IARS1: variants seen among roughly 807,000 people sequenced by gnomAD.
IARS1 encodes the protein isoleucine--tRNA ligase, cytoplasmic.
In IARS1, 124 loss-of-function variants were observed where a neutral mutation model predicts 168.2. That is an observed-to-expected ratio of 0.74 (90% confidence interval 0.64 to 0.86). IARS1 has a LOEUF of 0.86. Ranked by LOEUF, IARS1 falls within the 40% of genes least tolerant of loss-of-function variation. The probability of loss-of-function intolerance (pLI) is 0.00; values close to 1 mark genes in which losing one functional copy is unlikely to be tolerated. For synonymous variants in IARS1, 532 were observed against 529.4 expected (o/e 1.00, Z -0.07); for missense variants, 1,452 against 1,515.8 (o/e 0.96, Z 0.70).
chr9:92,284,861 T>C (rs1328995201), intron 6 of IARS1, among the ~76,000 whole-genome samples: 1 of 152,224 alleles, frequency 6.6e-6, no homozygotes, highest in Non-Finnish European at 1.5e-5. Flanking sequence ...TATCATTCTC[T>C]ACATTGTTAA....
At chr9:92,216,969 C>A (rs2133348812) in intron 33 of IARS1, among the ~76,000 whole-genome samples, 1 of 151,426 alleles carries the variant, frequency 6.6e-6, no homozygotes, top group East Asian at 1.9e-4. Flanking sequence ...ACAGAATATA[C>A]ATTTTTTTCA....
At chr9:92,220,397 C>T (rs1243739228) in intron 33 of IARS1, among the ~76,000 whole-genome samples, 1 of 150,392 alleles carries the variant, frequency 6.6e-6, no homozygotes, top group Non-Finnish European at 1.5e-5. Flanking sequence ...TGCACATGTA[C>T]CCTAAAACTT....
At chr9:92,256,409 G>A (rs921539624) in intron 20 of IARS1, 4 of 182,854 alleles carry the variant, frequency 2.2e-5, no homozygotes, top group East Asian at 2.6e-4. Flanking sequence ...GGCTGGTCTC[G>A]AACTCCTGAC....
chr9:92,258,766 G>A, intron 19 of IARS1, 88 bp downstream of exon 19: 1 of 1,356,358 alleles, frequency 7.4e-7, no homozygotes, highest in South Asian at 1.5e-5. Context: ...CAGCCCTAAA[G>A]TCTCACACAG....
intron 27 of IARS1, among the ~76,000 whole-genome samples, chr9:92,244,335 C>G (rs7848467): frequency 6.6e-6 from 1 of 152,112 alleles, no homozygotes; most frequent in Non-Finnish European, 1.5e-5. Context: ...CTGAGGAGGT[C>G]GACCTTCCTT....
At chr9:92,285,382 T>C (rs1835281356) in intron 6 of IARS1, among the ~76,000 whole-genome samples, 1 of 152,146 alleles carries the variant, frequency 6.6e-6, no homozygotes, top group Non-Finnish European at 1.5e-5. Flanking sequence ...AGATAAGGCA[T>C]AAAATTACTC....
Position 92,258,935 on chromosome 9 carries a change from C to A in IARS1, c.1935G>T (p.Val645=), listed in dbSNP as rs1447836779. 6.2e-7 allele frequency: 1 copy of A among 1,614,038 alleles called. No homozygotes were observed. Among genetic ancestry groups the A allele is most frequent in the East Asian group, 2.2e-5 (1 of 44,878 alleles). Residue 645 remains valine (V), a synonymous_variant, in exon 19 of 34, where the codon GTG becomes GTT. Transcript: ENST00000443024. ...AENLRFKEEG[V]RDVLKDVLLP... ...GCAGTACATCCTTAAGGACGTCCCG[C>A]ACACCCTCTTCTTTAAAGCGGAGGT...
At position 92,280,787 on chromosome 9, in the gene IARS1, G is replaced by A; in HGVS notation, c.704C>T (p.Ala235Val). The A allele has an allele frequency of 1.2e-6, 2 of 1,612,176 alleles. No homozygotes were observed. The highest frequency in any genetic ancestry group is 1.7e-6 in the Non-Finnish European group (2 of 1,178,706). Residue 235 changes from alanine to valine, a missense_variant, in exon 7 of 34, where the codon GCT becomes GTT. Physicochemically the swap from Ala to Val is moderately conservative, Grantham distance 64. Coordinates refer to ENST00000443024, the MANE Select transcript of IARS1 (RefSeq NM_002161.6). ...TTGCATTTCTGGATTAACACACACA[G>A]CAAGGTTACTAGGTAGAGTCCAGGG... ...TTPWTLPSNL[A>V]VCVNPEMQYV...
At chr9:92,210,962 A>C (rs1171640949) in intron 33 of IARS1, 73 bp from the exon 34 acceptor site, 2 of 964,446 alleles carry the variant, frequency 2.1e-6, no homozygotes, top group Admixed American at 1.7e-5. Context: ...AAAAAATGTT[A>C]ACTGCTTGTG....
chr9:92,284,248 C>T (rs1019177672), intron 6 of IARS1, among the ~76,000 whole-genome samples: 8 of 152,124 alleles, frequency 5.3e-5, no homozygotes. Context: ...GCTAACATGG[C>T]AATGTTTAAA....
At chr9:92,230,773 G>A (rs1435211509) in intron 30 of IARS1, among the ~76,000 whole-genome samples, 1 of 152,186 alleles carries the variant, frequency 6.6e-6, no homozygotes, top group Admixed American at 6.5e-5. Context: ...GTCACTACTT[G>A]CAATTTTAGT....
chr9:92,250,081 GA>G (rs1475613622), intron 24 of IARS1, 105 bp downstream of exon 24: 16 of 885,322 alleles, frequency 1.8e-5, no homozygotes, highest in African/African-American at 6.6e-5. Flanking sequence ...CCTCACTGCA[GA>G]AAAGGAAAAA....
intron 31 of IARS1, among the ~76,000 whole-genome samples, chr9:92,227,853 T>C (rs1003058308): frequency 9.1e-5 from 13 of 142,514 alleles, no homozygotes; most frequent in Non-Finnish European, 1.8e-4. Context: ...CTTTCCAGAC[T>C]GGGCAGCCAG....
intron 14 of IARS1, among the ~76,000 whole-genome samples, chr9:92,266,706 T>C (rs761065618): frequency 6.6e-5 from 10 of 152,154 alleles, no homozygotes; most frequent in Non-Finnish European, 8.8e-5. Flanking sequence ...GAGAGCTGAC[T>C]GTTGAAAAGA....
Position 92,277,413 on chromosome 9 carries a change from AAAC to A in IARS1, c.894+447_894+449del, listed in dbSNP as rs575682498. The stretch of plus-strand genomic sequence containing the variant: ...GCACGATATTTGCACTCCATCTCAA[AAAC>A]AACAACAACAAAAAATCCCAGCCAG... On this transcript the variant is annotated intron_variant, in intron 9 of 33. Coordinates refer to ENST00000443024, the MANE Select transcript of IARS1 (RefSeq NM_002161.6). Among the ~76,000 whole-genome samples, 333 of 152,184 alleles carry A rather than the reference AAAC, an allele frequency of 2.2e-3. 2 individuals carry two copies. Among genetic ancestry groups the A allele is most frequent in the Non-Finnish European group, 2.7e-3 (184 of 67,996 alleles).
intron 10 of IARS1, among the ~76,000 whole-genome samples, chr9:92,272,361 C>T (rs1439303051): frequency 6.6e-6 from 1 of 152,186 alleles, no homozygotes; most frequent in East Asian, 1.9e-4. Flanking sequence ...CAGGAAAAGC[C>T]CCTAAGTGCA....
In IARS1 at chr9:92,243,310, G is replaced by T. The variant is rs1431658434; in HGVS notation, c.2906C>A (p.Ala969Asp). 3 of 1,608,864 alleles carry T rather than the reference G, an allele frequency of 1.9e-6. No individual in the cohort carries two copies. Among genetic ancestry groups the T allele is most frequent in the African/African-American group, 2.7e-5 (2 of 74,822 alleles). Residue 969 changes from alanine to aspartate, a missense_variant and splice_region_variant, in exon 28 of 34, where the codon GCT becomes GAT. By Grantham distance (126) the Ala-to-Asp change is moderately radical. Coordinates refer to ENST00000443024, the MANE Select transcript of IARS1 (RefSeq NM_002161.6). ...AGGAGTGACATCTAAGAGGACCAAAGCCTGTGGGAATGAACAGTGCACACC... is the reference window on the plus strand; with the variant it reads ...AGGAGTGACATCTAAGAGGACCAAATCCTGTGGGAATGAACAGTGCACACC... ...AQFEAHSDAQ[A>D]LVLLDVTPDQ...
At chr9:92,241,974 C>T (rs1364742886) in intron 29 of IARS1, among the ~76,000 whole-genome samples, 180 bp downstream of exon 29, 2 of 152,208 alleles carry the variant, frequency 1.3e-5, no homozygotes, top group Admixed American at 1.3e-4. Context: ...ATCTTCCCTC[C>T]CTGCTCCATC....
At chr9:92,285,521 G>GA (rs1004649625) in intron 6 of IARS1, among the ~76,000 whole-genome samples, 16 of 151,876 alleles carry the variant, frequency 1.1e-4, no homozygotes, top group African/African-American at 3.6e-4. Context: ...ATCCAATGTG[G>GA]AAAAAAAATC....
Sources: gnomAD v4.1 joint callset for allele counts (sites outside exome capture counted in the v4.1 genomes callset) on GRCh38, gnomAD v4.1.1 for gene constraint, MANE v1.5 for transcripts, NCBI Gene and HGNC (gene_info 2026-07-23, HGNC 2026-07-21) for gene names.